SMYD3: variants seen among roughly 807,000 people sequenced by gnomAD.
The protein encoded by SMYD3 is histone-lysine N-methyltransferase SMYD3.
Under a neutral mutation model 57.7 loss-of-function variants are expected in SMYD3, and 36 were observed. The observed-to-expected ratio is 0.62, with a 90% CI of 0.48 to 0.82. The LOEUF is 0.82. Ranked by LOEUF, SMYD3 falls within the 40% of genes least tolerant of loss-of-function variation. The pLI, the probability that SMYD3 is intolerant of heterozygous loss-of-function variation, is 0.00. For missense variants in SMYD3, 515 were observed against 538.8 expected, an observed-to-expected ratio of 0.96 and a Z score of 0.44; for synonymous variants, 211 against 195.0, an observed-to-expected ratio of 1.08 and a Z score of -0.68.
At chr1:245,909,710 C>G (rs1279813060) in intron 8 of SMYD3, among the ~76,000 whole-genome samples, 1 of 151,814 alleles carries the variant, frequency 6.6e-6, no homozygotes, top group Non-Finnish European at 1.5e-5. Flanking sequence ...AATGACAAAA[C>G]CATATGATCA....
At chr1:246,363,933 A>G (rs1463240141) in intron 1 of SMYD3, among the ~76,000 whole-genome samples, 1 of 152,220 alleles carries the variant, frequency 6.6e-6, no homozygotes, top group Non-Finnish European at 1.5e-5. Flanking sequence ...AAATAAATAA[A>G]TAAAAAGGAA....
intron 1 of SMYD3, among the ~76,000 whole-genome samples, chr1:246,423,283 T>G (rs191518770): frequency 1.6e-3 from 223 of 136,154 alleles, no homozygotes; most frequent in Non-Finnish European, 3.1e-3. Flanking sequence ...GGCAATAGAG[T>G]GAGACTCCAA....
intron 5 of SMYD3, among the ~76,000 whole-genome samples, chr1:246,031,021 G>GA (rs1258962375): frequency 5.3e-5 from 8 of 152,032 alleles, no homozygotes; most frequent in African/African-American, 1.9e-4. Flanking sequence ...AACACTGTTT[G>GA]AAAAAATCAC....
chr1:245,838,848 A>C (rs1285095984), intron 10 of SMYD3, among the ~76,000 whole-genome samples: 1 of 152,250 alleles, frequency 6.6e-6, no homozygotes, highest in Non-Finnish European at 1.5e-5. Context: ...GCAGGAAATA[A>C]AGCTGTGCAG....
At chr1:245,959,900 T>C (rs2057955772) in intron 5 of SMYD3, among the ~76,000 whole-genome samples, 1 of 152,100 alleles carries the variant, frequency 6.6e-6, no homozygotes, top group Non-Finnish European at 1.5e-5. Context: ...TACCTCAGCC[T>C]CCTGAGTAGC....
intron 10 of SMYD3, among the ~76,000 whole-genome samples, chr1:245,791,931 T>C (rs1489309089): frequency 2.0e-5 from 3 of 150,076 alleles, no homozygotes; most frequent in Non-Finnish European, 4.4e-5. Context: ...TTAGACTGTT[T>C]TAAACATTCT....
chr1:245,809,021 C>T (rs977014019), intron 10 of SMYD3, among the ~76,000 whole-genome samples: 11 of 152,172 alleles, frequency 7.2e-5, no homozygotes, highest in Non-Finnish European at 1.3e-4. Context: ...TCCCAAAGTG[C>T]TGGGATTACA....
At chr1:245,824,064 G>A (rs1342268548) in intron 10 of SMYD3, among the ~76,000 whole-genome samples, 1 of 152,166 alleles carries the variant, frequency 6.6e-6, no homozygotes, top group Non-Finnish European at 1.5e-5. Flanking sequence ...ACTCACGACT[G>A]GAGAGTTGTG....
intron 5 of SMYD3, among the ~76,000 whole-genome samples, chr1:246,018,850 T>TG (rs1377107818): frequency 1.3e-5 from 2 of 151,822 alleles, no homozygotes; most frequent in Non-Finnish European, 2.9e-5. Context: ...GCAATCCTCC[T>TG]GCCTTGGCCT....
chr1:245,905,052 A>G (rs2054469850), intron 8 of SMYD3, among the ~76,000 whole-genome samples: 8 of 151,746 alleles, frequency 5.3e-5, no homozygotes, highest in Admixed American at 5.3e-4. Context: ...TTCATCACCT[A>G]CTAACTGAAG....
intron 5 of SMYD3, among the ~76,000 whole-genome samples, chr1:246,221,608 A>G (rs2063255140): frequency 1.3e-5 from 2 of 152,148 alleles, no homozygotes; most frequent in Admixed American, 6.5e-5. Flanking sequence ...CCAGACGGGA[A>G]AGCCGCTTGC....
At chr1:246,469,829 C>G (rs2067933999) in intron 1 of SMYD3, among the ~76,000 whole-genome samples, 1 of 152,180 alleles carries the variant, frequency 6.6e-6, no homozygotes, top group East Asian at 1.9e-4. Flanking sequence ...TGTCTCCCCA[C>G]AGACTGGCTC....
At chr1:245,940,044 T>C (rs1207860598) in intron 5 of SMYD3, among the ~76,000 whole-genome samples, 1 of 152,172 alleles carries the variant, frequency 6.6e-6, no homozygotes, top group East Asian at 1.9e-4. Flanking sequence ...AGACTGTTTC[T>C]TTAGGTGGGT....
intron 2 of SMYD3, among the ~76,000 whole-genome samples, chr1:246,348,442 C>G (rs540582519): frequency 6.6e-6 from 1 of 152,032 alleles, no homozygotes; most frequent in South Asian, 2.1e-4. Flanking sequence ...ATATATATGT[C>G]TTTTGCAACA....
intron 8 of SMYD3, among the ~76,000 whole-genome samples, chr1:245,892,316 C>T (rs1403559378): frequency 1.3e-5 from 2 of 152,208 alleles, no homozygotes; most frequent in African/African-American, 4.8e-5. Context: ...CATTACCAAG[C>T]ATCTACCATC....
intron 5 of SMYD3, among the ~76,000 whole-genome samples, chr1:246,023,734 T>C (rs903816010): frequency 1.3e-5 from 2 of 151,892 alleles, no homozygotes; most frequent in African/African-American, 4.8e-5. Flanking sequence ...AAATCCTGGA[T>C]TTCCAATTTC....
intron 5 of SMYD3, among the ~76,000 whole-genome samples, chr1:246,244,223 AAG>A (rs1326284382): frequency 6.6e-6 from 1 of 152,058 alleles, no homozygotes; most frequent in Non-Finnish European, 1.5e-5. Context: ...CCACACCTAA[AAG>A]AGGCCAAGGA....
chr1:246,507,045 C>T lies in SMYD3; in HGVS notation c.164+9G>A, dbSNP rs2068555498. On this transcript the variant is annotated intron_variant, in intron 1 of 11. Transcript: ENST00000490107. ...GCGACTCAGGTAGGCGAGGGCGCTC[C>T]TTACGCACCCGAGAAGGCAGCGGTC... The T allele has an allele frequency of 6.8e-7, 1 of 1,480,426 alleles. No homozygotes were observed. The highest frequency in any genetic ancestry group is 1.5e-5 in the African/African-American group (1 of 68,026). 91.7% of individuals were successfully genotyped at this position (1,480,426 alleles called of 1,614,324 possible). A position where few individuals can be genotyped will look rare whatever the true frequency, so the allele number is the denominator to read the frequency against.
chr1:245,867,714 AAAAC>A (rs1261276912), intron 8 of SMYD3, among the ~76,000 whole-genome samples: 17 of 152,018 alleles, frequency 1.1e-4, no homozygotes, highest in Admixed American at 2.6e-4. Context: ...TGTTGGGAGA[AAAAC>A]AAGGAAGAGG....
Sources: allele counts gnomAD v4.1 joint callset (sites outside exome capture counted in the v4.1 genomes callset), GRCh38; gene constraint gnomAD v4.1.1; transcripts MANE v1.5; gene names NCBI Gene and HGNC (gene_info 2026-07-23, HGNC 2026-07-21).